Variants in ABCA3 observed in about 807,000 individuals in gnomAD.
ABCA3 encodes the protein ATP binding cassette subfamily A member 3, also known as phospholipid-transporting ATPase ABCA3.
Under a neutral mutation model 172.8 loss-of-function variants are expected in ABCA3, and 88 were observed. The observed-to-expected ratio is 0.51, with a 90% confidence interval of 0.43 to 0.61. The LOEUF is 0.61. Ranked by LOEUF, ABCA3 falls within the 20% of genes least tolerant of loss-of-function variation. ABCA3 has a pLI of 0.00. For missense variants in ABCA3, 2,164 were observed against 2,301.0 expected (o/e 0.94, Z 1.22); for synonymous variants, 1,066 against 983.8 (o/e 1.08, Z -1.56).
chr16:2,311,006 G>A (rs959344222), intron 10 of ABCA3, among the ~76,000 whole-genome samples: 5 of 149,884 alleles, frequency 3.3e-5, no homozygotes, highest in South Asian at 4.2e-4. Flanking sequence ...ATGGAGTCTC[G>A]CTCTGTCACC....
chr16:2,319,725 C>T lies in ABCA3; in HGVS notation c.729G>A (p.Lys243=), dbSNP rs989438592. 1 of 1,613,756 alleles carries T rather than the reference C, an allele frequency of 6.2e-7. No homozygotes were observed. Among genetic ancestry groups the T allele is most frequent in the Non-Finnish European group, 8.5e-7 (1 of 1,180,000 alleles). ...CGATGAACGGCGGGTACGGGAACCT[C>T]TTGATGGTCACCGTCAGTCTCTGGA... is the stretch of plus-strand genomic sequence containing the variant. The part of the protein sequence containing the change: ...QLFQRLTVTI[K]RFPYPPFIAD... Residue 243 remains lysine, a synonymous_variant, in exon 8 of 33, where the codon AAG becomes AAA. Coordinates refer to ENST00000301732, the MANE Select transcript of ABCA3 (RefSeq NM_001089.3).
Position 2,285,634 on chromosome 16 carries a change from T to G in ABCA3, c.3291A>C (p.Gly1097=). The change falls in exon 23 of 33, where the codon GGA becomes GGC. Residue 1097 remains glycine (G), a synonymous_variant. Transcript: ENST00000301732. The surrounding 1 kb of genome is among the most constrained non-coding windows in gnomAD (Gnocchi z 4.7). ...AGAGCAGGTTGAGGGCAATGTCGAA[T>G]CCCTTCCGGCCCCTGCGGGGGACAG... ...AKDQFNEGRK[G]FDIALNLLFA... is the part of the protein sequence containing the mutation. The G allele has an allele frequency of 1.3e-6, 2 of 1,552,656 alleles. No individual in the cohort carries two copies. The highest frequency in any genetic ancestry group is 1.7e-6 in the Non-Finnish European group (2 of 1,147,576).
At chr16:2,324,259 A>T (rs1185742210) in intron 6 of ABCA3, 145 bp downstream of exon 6, 7 of 1,232,762 alleles carry the variant, frequency 5.7e-6, no homozygotes, top group Non-Finnish European at 6.7e-6. Context: ...ATATTATCAG[A>T]CCCAAAGGAG....
In ABCA3 at chr16:2,287,905, A is replaced by T; in HGVS notation, c.3004+121T>A. ...GGGATGCTGCTGAACCTCCCTCAGT[A>T]CATTCGGAACAGCCAAGAACCATCC... On this transcript the variant is annotated intron_variant, in intron 21 of 32. Transcript: ENST00000301732. This position sits in a 1 kb window ranked among gnomAD's most constrained non-coding sequence, Gnocchi z 4.1. 1 of 1,256,950 alleles carries T rather than the reference A, an allele frequency of 8.0e-7. No homozygotes were observed. The highest frequency in any genetic ancestry group is 1.1e-6 in the Non-Finnish European group (1 of 899,794). 77.9% of individuals were successfully genotyped at this position (1,256,950 alleles called of 1,614,324 possible).
At chr16:2,327,941 G>A (rs2141743076) in intron 3 of ABCA3, among the ~76,000 whole-genome samples, 1 of 152,178 alleles carries the variant, frequency 6.6e-6, no homozygotes, top group East Asian at 1.9e-4. Flanking sequence ...GGCTGGTCTT[G>A]AACTCCTGAC....
chr16:2,336,256 C>G (rs1412814806), intron 1 of ABCA3, among the ~76,000 whole-genome samples: 1 of 152,298 alleles, frequency 6.6e-6, no homozygotes, highest in African/African-American at 2.4e-5. Context: ...AGAATCTCCA[C>G]CTACCCTGAT....
intron 19 of ABCA3, among the ~76,000 whole-genome samples, chr16:2,289,960 A>ATCAC (rs1555487802): frequency 7.3e-4 from 46 of 63,160 alleles, no homozygotes; most frequent in African/African-American, 2.8e-3. Context: ...TGTGAATTAC[A>ATCAC]TCACACACAC....
chr16:2,324,758 G>A (rs2093731687), intron 5 of ABCA3, among the ~76,000 whole-genome samples: 1 of 152,134 alleles, frequency 6.6e-6, no homozygotes, highest in African/African-American at 2.4e-5. Flanking sequence ...CCTGGTGCGG[G>A]TTTTTTGGAG....
chr16:2,294,608 C>T (rs886980877), intron 18 of ABCA3, among the ~76,000 whole-genome samples: 2 of 151,950 alleles, frequency 1.3e-5, no homozygotes, highest in Non-Finnish European at 2.9e-5. Context: ...GATCACGAGC[C>T]CAGGAATTCA....
chr16:2,338,350 G>A (rs1292873607), intron 1 of ABCA3, among the ~76,000 whole-genome samples: 3 of 152,150 alleles, frequency 2.0e-5, no homozygotes. Context: ...AATATCACCC[G>A]GATACCTTTC....
At chr16:2,317,177 G>T in intron 10 of ABCA3, 106 bp downstream of exon 10, 1 of 1,535,450 alleles carries the variant, frequency 6.5e-7, no homozygotes, top group Non-Finnish European at 8.9e-7. Flanking sequence ...TCCCTGGGCA[G>T]CTCCACCAGG....
At chr16:2,321,464 G>A (rs1407515122) in intron 7 of ABCA3, among the ~76,000 whole-genome samples, 1 of 152,164 alleles carries the variant, frequency 6.6e-6, no homozygotes, top group African/African-American at 2.4e-5. Context: ...CCTCATGGAG[G>A]GATGGGACGT....
At position 2,286,059 on chromosome 16, in the gene ABCA3, C is replaced by G. The variant is rs1435015435; in HGVS notation, c.3279-413G>C. Among the ~76,000 whole-genome samples, 1 of 152,224 alleles carries G rather than the reference C, an allele frequency of 6.6e-6. No individual in the cohort carries two copies. The highest frequency in any genetic ancestry group is 1.5e-5 in the Non-Finnish European group (1 of 68,046). On this transcript the variant is annotated intron_variant, in intron 22 of 32. Transcript: ENST00000301732. The surrounding 1 kb of genome is among the most constrained non-coding windows in gnomAD (Gnocchi z 5.2). ...GAGCAGATCGAGGGCTGTTGCTTTT[C>G]TGCTCTTGGGGCAGGGATGGAGCCA...
intron 18 of ABCA3, 23 bp from the exon 19 acceptor site, chr16:2,292,261 T>G: frequency 6.3e-7 from 1 of 1,587,552 alleles, no homozygotes; most frequent in Non-Finnish European, 8.6e-7. Context: ...CCCAGCATTA[T>G]GAGTCACTTC....
At chr16:2,323,769 T>C in intron 6 of ABCA3, 81 bp from the exon 7 acceptor site, 4 of 1,535,172 alleles carry the variant, frequency 2.6e-6, no homozygotes, top group Non-Finnish European at 3.6e-6. Context: ...GGAGAGCGCT[T>C]GGGGGGCTGT....
chr16:2,311,999 C>A lies in ABCA3; in HGVS notation c.1112-3376G>T, dbSNP rs534819056. The stretch of plus-strand genomic sequence containing the variant: ...TCTTGTATGATTTTATAACATGATG[C>A]ATTAGTTCGTTTGGAAAATACTGCT... On this transcript the variant is annotated intron_variant, in intron 10 of 32. Transcript: ENST00000301732. Among the ~76,000 whole-genome samples, 10 of 152,280 alleles carry A rather than the reference C, an allele frequency of 6.6e-5. No individual in the cohort carries two copies. The South Asian group carries it at 2.1e-3, about 32-fold the overall frequency.
intron 1 of ABCA3, among the ~76,000 whole-genome samples, chr16:2,330,113 T>C (rs962671606): frequency 2.0e-5 from 3 of 151,504 alleles, no homozygotes; most frequent in African/African-American, 2.4e-5. Context: ...CCAGCCAACA[T>C]GGCAAAACCC....
At chr16:2,334,890 G>A (rs1289600714) in intron 1 of ABCA3, among the ~76,000 whole-genome samples, 3 of 150,280 alleles carry the variant, frequency 2.0e-5, no homozygotes, top group Non-Finnish European at 3.0e-5. Context: ...GTGCAATGGC[G>A]TGATCTTGGC....
chr16:2,292,417 T>G (rs966509707), intron 18 of ABCA3, among the ~76,000 whole-genome samples, 179 bp from the exon 19 acceptor site: 3 of 151,684 alleles, frequency 2.0e-5, no homozygotes, highest in Non-Finnish European at 4.4e-5. Context: ...CTAGTCAACA[T>G]GGTGAAACCT....
Sources: gnomAD v4.1 joint callset for allele counts (sites outside exome capture counted in the v4.1 genomes callset) on GRCh38, gnomAD v4.1.1 for gene constraint, Gnocchi (gnomAD v3.1) non-coding constraint, MANE v1.5 for transcripts, NCBI Gene and HGNC (gene_info 2026-07-23, HGNC 2026-07-21) for gene names.